The following PDLIM7 variants were observed in gnomAD, a reference collection of about 807,000 sequenced individuals.
PDLIM7 encodes PDZ and LIM domain protein 7.
PDLIM7 carries 37 observed loss-of-function variants against 53.9 expected under a neutral mutation model. That is an observed-to-expected ratio of 0.69 (90% CI 0.53 to 0.90). The LOEUF is 0.90. PDLIM7 is among the 40% of genes least tolerant of loss of function. PDLIM7 has a pLI of 0.00. For synonymous variants in PDLIM7, 300 were observed against 261.3 expected (o/e 1.15, Z -1.43); for missense variants, 617 against 638.5 (o/e 0.97, Z 0.36).
chr5:177,491,688 G>T (rs2127413627), intron 5 of PDLIM7, 119 bp downstream of exon 5: 1 of 669,742 alleles, frequency 1.5e-6, no homozygotes, highest in Non-Finnish European at 2.4e-6. Flanking sequence ...CCGCCAGGGG[G>T]CGCTGCCGCA....
rs564299845 is a variant in PDLIM7, at chr5:177,487,238, C to T, written c.1050+830G>A. On this transcript the variant is annotated intron_variant, in intron 10 of 12. Coordinates refer to ENST00000355841, the MANE Select transcript of PDLIM7 (RefSeq NM_005451.5). ...TCAGCCACTGCATCGGCCACTCTCC[C>T]ATTCTTGCCGACTGATGGAACCCCC... is the stretch of plus-strand genomic sequence containing the variant. Among the ~76,000 whole-genome samples the T allele has an allele frequency of 1.3e-4, 20 of 152,248 alleles. 1 individual carries two copies. The East Asian group carries it at 3.1e-3, about 23-fold the overall frequency.
chr5:177,483,709 C>T lies in PDLIM7; in HGVS notation c.1309G>A (p.Gly437Arg), dbSNP rs770224816. Residue 437 changes from glycine to arginine, a missense_variant, in exon 13 of 13, where the codon GGA (glycine) becomes AGA (arginine). By Grantham distance (125) the Gly-to-Arg change is moderately radical (BLOSUM62 -2). Transcript: ENST00000355841. ...VCAICQINLE[G>R]KTFYSKKDRP... Reference sequence around the variant, plus strand: ...TCCTTCTTGGAGTAGAAGGTCTTTCCTTCCAGGTTGATCTGACATATCTAA... The same window carrying T: ...TCCTTCTTGGAGTAGAAGGTCTTTCTTTCCAGGTTGATCTGACATATCTAA... 2 of 1,613,024 alleles carry T rather than the reference C, an allele frequency of 1.2e-6. No individual in the cohort carries two copies. Among genetic ancestry groups the T allele is most frequent in the African/African-American group, 1.3e-5 (1 of 74,914 alleles).
At chr5:177,489,946 G>C (rs926104430) in intron 7 of PDLIM7, 114 bp from the exon 8 acceptor site, 3 of 1,537,210 alleles carry the variant, frequency 2.0e-6, no homozygotes, top group South Asian at 2.4e-5. Flanking sequence ...GGAAACTGCC[G>C]AGTTGGATTC....
chr5:177,490,003 T>A, intron 7 of PDLIM7, 171 bp from the exon 8 acceptor site: 1 of 1,534,754 alleles, frequency 6.5e-7, no homozygotes, highest in Non-Finnish European at 8.7e-7. Flanking sequence ...CTCCTAGCAA[T>A]GTCCAGTTAG....
chr5:177,494,500 G>T (rs1758965100), intron 2 of PDLIM7, among the ~76,000 whole-genome samples: 1 of 149,796 alleles, frequency 6.7e-6, no homozygotes, highest in Admixed American at 6.6e-5. Flanking sequence ...TGGCTCCTGG[G>T]AGCTGTGGGC....
At chr5:177,491,382 A>T (rs1190182415) in intron 5 of PDLIM7, 1 of 1,552,242 alleles carries the variant, frequency 6.4e-7, no homozygotes, top group East Asian at 2.4e-5. Flanking sequence ...AGAAAGGCAC[A>T]GGCAGAGGGG....
chr5:177,492,693 CA>C lies in PDLIM7; in HGVS notation c.97-17del. On this transcript the variant is annotated splice_polypyrimidine_tract_variant and intron_variant, in intron 2 of 12. Coordinates refer to ENST00000355841, the MANE Select transcript of PDLIM7 (RefSeq NM_005451.5). ...CAGGAGTGAGCTGTGGAGAGAGAAG[CA>C]AAGTGACCGAGGCCCTGGACCCTGC... 6.3e-7 allele frequency: 1 copy of C among 1,596,972 alleles called. No individual in the cohort carries two copies.
intron 10 of PDLIM7, 129 bp from the exon 11 acceptor site, chr5:177,484,319 G>A (rs1758331990): frequency 1.8e-6 from 2 of 1,132,896 alleles, no homozygotes; most frequent in South Asian, 1.5e-5. Context: ...AACTGTTCAG[G>A]ACTCCCACAC....
chr5:177,488,295 G>A (rs1362976542), intron 9 of PDLIM7, 47 bp from the exon 10 acceptor site: 5 of 1,517,710 alleles, frequency 3.3e-6, no homozygotes, highest in Non-Finnish European at 4.4e-6. Context: ...CAGAGAGGTG[G>A]GGGTCTTGGC....
rs1018282069 is a variant in PDLIM7, at chr5:177,492,120, T to C, written c.280-195A>G. 3 of 534,586 alleles carry C rather than the reference T, an allele frequency of 5.6e-6. No individual in the cohort carries two copies. The Admixed American group carries it at 1.1e-4, about 19-fold the overall frequency. 33.1% of individuals were successfully genotyped at this position (534,586 alleles called of 1,614,324 possible). ...GCCCATTTGGGAGTGGCGATCTCAGTCCACGCAGGACCGAGGGCTGACCGA... is the reference window on the plus strand; with the variant it reads ...GCCCATTTGGGAGTGGCGATCTCAGCCCACGCAGGACCGAGGGCTGACCGA... On this transcript the variant is annotated intron_variant, in intron 4 of 12. Coordinates refer to ENST00000355841, the MANE Select transcript of PDLIM7 (RefSeq NM_005451.5).
chr5:177,494,713 G>A (rs1758977244), intron 2 of PDLIM7, among the ~76,000 whole-genome samples: 2 of 152,178 alleles, frequency 1.3e-5, no homozygotes, highest in South Asian at 2.1e-4. Flanking sequence ...CTCAAGCCAG[G>A]GGCAGGGTAA....
intron 7 of PDLIM7, chr5:177,490,564 G>A: frequency 6.4e-7 from 1 of 1,560,970 alleles, no homozygotes; most frequent in Non-Finnish European, 8.7e-7. Flanking sequence ...GGTGTAGCGT[G>A]GGCTCTGCAG....
intron 2 of PDLIM7, among the ~76,000 whole-genome samples, chr5:177,495,439 TA>T (rs1330658356): frequency 3.3e-5 from 5 of 152,106 alleles, no homozygotes; most frequent in African/African-American, 1.2e-4. Flanking sequence ...CAGGCGGATA[TA>T]GGGGCAGGAA....
intron 10 of PDLIM7, 90 bp downstream of exon 10, chr5:177,487,978 C>T (rs1343143576): frequency 9.7e-6 from 13 of 1,335,594 alleles, no homozygotes; most frequent in East Asian, 4.8e-5. Flanking sequence ...AGGGCTCACT[C>T]GGGGAGAGAC....
chr5:177,490,681 G>A (rs893251380), intron 7 of PDLIM7, 189 bp downstream of exon 7: 5 of 940,320 alleles, frequency 5.3e-6, no homozygotes, highest in Admixed American at 2.2e-5. Flanking sequence ...AAGGAGGGAG[G>A]GAAGAAATGA....
intron 2 of PDLIM7, among the ~76,000 whole-genome samples, chr5:177,493,951 G>A (rs1489142805): frequency 6.6e-6 from 1 of 152,194 alleles, no homozygotes; most frequent in Non-Finnish European, 1.5e-5. Context: ...GGGCAGGGCA[G>A]CCAGGCACAG....
Position 177,488,089 on chromosome 5 carries a change from C to T in PDLIM7, c.1029G>A (p.Lys343=). 6.2e-7 allele frequency: 1 copy of T among 1,604,042 alleles called. No homozygotes were observed. ...YDVRYAPSCA[K]CKKKITGEIM... Reference sequence around the variant, plus strand: ...TCACGCCTGTAATCTTCTTCTTGCACTTGGCACAGCTGGGTGCATAGCGCA... The same window carrying T: ...TCACGCCTGTAATCTTCTTCTTGCATTTGGCACAGCTGGGTGCATAGCGCA... Residue 343 remains lysine, a synonymous_variant, in exon 10 of 13, where the codon AAG becomes AAA. Transcript: ENST00000355841.
At position 177,483,506 on chromosome 5, in the gene PDLIM7, G is replaced by A. The variant is rs1402891341; in HGVS notation, c.*138C>T. The stretch of plus-strand genomic sequence containing the variant: ...GGGGTGGGAGGATAAGGTGGGTGGG[G>A]CAGGGCCCAGGGAGCCCCAGGCTCG... On this transcript the variant is annotated 3_prime_UTR_variant, in exon 13 of 13. Transcript: ENST00000355841. 2 of 622,254 alleles carry A rather than the reference G, an allele frequency of 3.2e-6. No homozygotes were observed. The highest frequency in any genetic ancestry group is 5.7e-6 in the Non-Finnish European group (2 of 348,768). The allele number at this position is 622,254 out of a possible 1,614,324, so 38.5% of individuals were successfully genotyped here.
chr5:177,484,117 CG>C lies in PDLIM7; in HGVS notation c.1123del (p.Arg375GlyfsTer109). 6.2e-7 allele frequency: 1 copy of C among 1,614,008 alleles called. No homozygotes were observed. The highest frequency in any genetic ancestry group is 1.1e-5 in the South Asian group (1 of 91,080). The part of the protein sequence containing the change: ...FTCAACKTPI[R>X]NRAFYMEEGV... ...CTCCTCCATGTAGAAGGCCCTGTTC[CG>C]GATGGGCGTCTTGCAGGCAGCACAG... On this transcript the variant is annotated frameshift_variant, in exon 11 of 13. Coordinates refer to ENST00000355841, the MANE Select transcript of PDLIM7 (RefSeq NM_005451.5). LOFTEE classifies it high-confidence loss of function.
Sources: gnomAD v4.1 joint callset for allele counts (sites outside exome capture counted in the v4.1 genomes callset) on GRCh38, gnomAD v4.1.1 for gene constraint, MANE v1.5 for transcripts, NCBI Gene and HGNC (gene_info 2026-07-23, HGNC 2026-07-21) for gene names.